KLRG1: variants seen among roughly 807,000 people sequenced by gnomAD.
KLRG1 encodes the protein killer cell lectin like receptor G1, also known as killer cell lectin-like receptor subfamily G member 1.
KLRG1 carries 16 observed loss-of-function variants against 21.8 expected under a neutral mutation model. The observed-to-expected ratio is 0.73, with a 90% CI of 0.50 to 1.11. The LOEUF (loss-of-function observed/expected upper bound fraction) is 1.11, where lower values mean the gene tolerates loss of function less well. KLRG1 is among the 50% of genes most tolerant of loss of function. The probability of loss-of-function intolerance (pLI) is 0.00; values close to 1 mark genes in which losing one functional copy is unlikely to be tolerated. For synonymous variants in KLRG1, 69 were observed against 75.9 expected, an observed-to-expected ratio of 0.91 and a Z score of 0.47; for missense variants, 173 against 218.3, an observed-to-expected ratio of 0.79 and a Z score of 1.31.
intron 3 of KLRG1, among the ~76,000 whole-genome samples, chr12:9,002,305 T>C (rs1438354074): frequency 6.6e-6 from 1 of 152,194 alleles, no homozygotes; most frequent in Non-Finnish European, 1.5e-5. Context: ...CTTAATGATA[T>C]TTTAATTTCA....
At chr12:9,165,422 C>T in the KLRG1 span, 1 of 1,592,976 alleles carries the variant, frequency 6.3e-7, no homozygotes, top group East Asian at 2.2e-5. Flanking sequence ...CACCTTTTCT[C>T]AAGTGAGAAT....
At chr12:9,111,136 T>C in the KLRG1 span, among the ~76,000 whole-genome samples, 44 of 152,326 alleles carry the variant, frequency 2.9e-4, no homozygotes, top group African/African-American at 9.9e-4. Flanking sequence ...GAATAAACAT[T>C]GATAAGAAGC....
chr12:9,093,483 C>T, the KLRG1 span: 4 of 1,613,704 alleles, frequency 2.5e-6, no homozygotes, highest in South Asian at 1.1e-5. Context: ...CACCAAATCC[C>T]AGATCCATGT....
At chr12:8,962,558 A>T (rs1409914731) in intron 1 of KLRG1, among the ~76,000 whole-genome samples, 2 of 151,964 alleles carry the variant, frequency 1.3e-5, no homozygotes, top group Admixed American at 6.6e-5. Context: ...TACCAAAAAA[A>T]TACAAAAATT....
the KLRG1 span, among the ~76,000 whole-genome samples, chr12:9,119,006 TAGAG>T: frequency 6.6e-6 from 1 of 152,052 alleles, no homozygotes; most frequent in Non-Finnish European, 1.5e-5. Flanking sequence ...AAGGGCCAAT[TAGAG>T]AGGAAGAAAC....
At chr12:8,976,930 T>A (rs1489756952) in intron 1 of KLRG1, among the ~76,000 whole-genome samples, 4 of 152,040 alleles carry the variant, frequency 2.6e-5, no homozygotes, top group Admixed American at 6.6e-5. Flanking sequence ...GTATTTTTTT[T>A]AGTAGAAACG....
chr12:9,041,796 A>T, the KLRG1 span, among the ~76,000 whole-genome samples: 1 of 152,196 alleles, frequency 6.6e-6, no homozygotes, highest in Admixed American at 6.5e-5. Flanking sequence ...CCCATGCGAG[A>T]CCACTCACCT....
the KLRG1 span, chr12:9,067,567 T>A: frequency 1.8e-6 from 1 of 546,916 alleles, no homozygotes; most frequent in African/African-American, 1.9e-5. Context: ...TGAAGCCTAC[T>A]CAGACCGACA....
the KLRG1 span, among the ~76,000 whole-genome samples, chr12:9,061,028 G>A: frequency 6.6e-6 from 1 of 152,134 alleles, no homozygotes; most frequent in East Asian, 1.9e-4. Flanking sequence ...CATCCGAGAA[G>A]CTAGGATTAA....
intron 1 of KLRG1, among the ~76,000 whole-genome samples, chr12:8,984,201 CTATTAT>C (rs937133673): frequency 6.6e-6 from 1 of 151,244 alleles, no homozygotes; most frequent in Non-Finnish European, 1.5e-5. Context: ...TCTCATTCAG[CTATTAT>C]TATTATTATT....
At chr12:9,071,499 C>T in the KLRG1 span, among the ~76,000 whole-genome samples, 21 of 151,976 alleles carry the variant, frequency 1.4e-4, no homozygotes, top group Non-Finnish European at 2.4e-4. Flanking sequence ...TAGGTAAACT[C>T]GTGTCATGGG....
At chr12:9,113,787 T>C in the KLRG1 span, among the ~76,000 whole-genome samples, 3 of 152,198 alleles carry the variant, frequency 2.0e-5, no homozygotes, top group Admixed American at 2.0e-4. Context: ...GTAGGCATGC[T>C]TCACTTTAAG....
At chr12:9,027,691 T>G in the KLRG1 span, 2 of 1,085,128 alleles carry the variant, frequency 1.8e-6, no homozygotes, top group South Asian at 2.5e-5. Context: ...AACTGATTGT[T>G]GTAATTGCCA....
the KLRG1 span, among the ~76,000 whole-genome samples, chr12:9,176,738 C>T: frequency 6.6e-6 from 1 of 152,210 alleles, no homozygotes; most frequent in Non-Finnish European, 1.5e-5. Flanking sequence ...GGACGAGTAA[C>T]TCCTGAGTGC....
At chr12:9,121,177 TA>T in the KLRG1 span, among the ~76,000 whole-genome samples, 4 of 152,166 alleles carry the variant, frequency 2.6e-5, no homozygotes, top group Admixed American at 2.6e-4. This position sits in a 1 kb window ranked among gnomAD's most constrained non-coding sequence, Gnocchi z 4.4. Context: ...TGAACCATCA[TA>T]CCCGGACTTT....
the KLRG1 span, among the ~76,000 whole-genome samples, chr12:9,138,876 AT>A: frequency 6.7e-6 from 1 of 149,340 alleles, no homozygotes; most frequent in Non-Finnish European, 1.5e-5. Flanking sequence ...TGTGTTAATT[AT>A]TTTTTTCAAA....
the KLRG1 span, chr12:9,135,473 G>A: frequency 3.7e-4 from 135 of 369,818 alleles, 1 homozygote; most frequent in East Asian, 3.4e-3. Context: ...CCACCAGCAG[G>A]GGGTAGCACT....
chr12:9,081,340 G>A, the KLRG1 span, among the ~76,000 whole-genome samples: 1 of 152,030 alleles, frequency 6.6e-6, no homozygotes, highest in Non-Finnish European at 1.5e-5. Context: ...ACAGATGATG[G>A]CAAATATAAC....
At chr12:9,001,207 A>AT (rs1947297186) in intron 3 of KLRG1, among the ~76,000 whole-genome samples, 3 of 152,206 alleles carry the variant, frequency 2.0e-5, no homozygotes, top group African/African-American at 7.2e-5. Context: ...AGATATAATT[A>AT]TTTTTAGACC....
Sources: gnomAD v4.1 joint callset for allele counts (sites outside exome capture counted in the v4.1 genomes callset) on GRCh38, gnomAD v4.1.1 for gene constraint, Gnocchi (gnomAD v3.1) non-coding constraint, MANE v1.5 for transcripts, NCBI Gene and HGNC (gene_info 2026-07-23, HGNC 2026-07-21) for gene names.